Variants in CTNNA2 observed in about 807,000 individuals in gnomAD.
The protein encoded by CTNNA2 is catenin alpha-2.
In CTNNA2, 42 loss-of-function variants were observed where a neutral mutation model predicts 101.0. The ratio of observed to expected loss-of-function variants is 0.42; its 90% confidence interval spans 0.32 to 0.54. The LOEUF (loss-of-function observed/expected upper bound fraction) is 0.54, where lower values mean the gene tolerates loss of function less well. Ranked by LOEUF, CTNNA2 falls within the 20% of genes least tolerant of loss-of-function variation. CTNNA2 has a pLI of 0.14. For missense variants in CTNNA2, 871 were observed against 1,223.1 expected, an observed-to-expected ratio of 0.71 and a Z score of 4.29; for synonymous variants, 450 against 456.4, an observed-to-expected ratio of 0.99 and a Z score of 0.18.
At chr2:80,009,145 TTACCTGAG>T (rs1558724297) in intron 7 of CTNNA2, among the ~76,000 whole-genome samples, 3 of 152,312 alleles carry the variant, frequency 2.0e-5, no homozygotes, top group South Asian at 4.1e-4. Flanking sequence ...GATCCAAAGC[TTACCTGAG>T]TATATGGTAC....
At chr2:79,466,493 A>G (rs1399268583) in intron 4 of CTNNA2, among the ~76,000 whole-genome samples, 1 of 152,202 alleles carries the variant, frequency 6.6e-6, no homozygotes, top group East Asian at 1.9e-4. Context: ...ACCTCTGAAG[A>G]CTTAAATGTC....
rs1191921454 is a variant in CTNNA2 at position 80,648,515 on chromosome 2, A to G, written c.*643A>G. The G allele has an allele frequency of 6.6e-6, 1 of 152,612 alleles. No individual in the cohort carries two copies. Among genetic ancestry groups the G allele is most frequent in the Non-Finnish European group, 1.5e-5 (1 of 68,026 alleles). 9.5% of individuals were successfully genotyped at this position (152,612 alleles called of 1,614,324 possible). A position where few individuals can be genotyped will look rare whatever the true frequency, so the allele number is the denominator to read the frequency against. ...TTTTTTTCCCCCCTTTAATGAAAACAATAAACATCTATTTGAGACAATTAA... is the reference window on the plus strand; with the variant it reads ...TTTTTTTCCCCCCTTTAATGAAAACGATAAACATCTATTTGAGACAATTAA... On this transcript the variant is annotated 3_prime_UTR_variant, in exon 19 of 19. Coordinates refer to ENST00000402739, the MANE Select transcript of CTNNA2 (RefSeq NM_001282597.3).
chr2:80,106,562 C>T (rs1017144488), intron 7 of CTNNA2, among the ~76,000 whole-genome samples: 6 of 152,132 alleles, frequency 3.9e-5, no homozygotes, highest in African/African-American at 1.4e-4. Context: ...AGAACACACT[C>T]CACAAGTAGT....
chr2:80,128,833 G>A (rs1235474535), intron 7 of CTNNA2, among the ~76,000 whole-genome samples: 1 of 152,092 alleles, frequency 6.6e-6, no homozygotes, highest in Admixed American at 6.6e-5. Flanking sequence ...GTCGTCACCA[G>A]GCCATTTTCA....
chr2:80,017,513 T>G (rs913553849), intron 7 of CTNNA2, among the ~76,000 whole-genome samples: 3 of 151,936 alleles, frequency 2.0e-5, no homozygotes, highest in African/African-American at 7.3e-5. Flanking sequence ...TATATATGTA[T>G]ATATGTAAAT....
At chr2:79,759,603 C>T (rs879672757) in intron 3 of CTNNA2, among the ~76,000 whole-genome samples, 1 of 152,080 alleles carries the variant, frequency 6.6e-6, no homozygotes, top group Non-Finnish European at 1.5e-5. Flanking sequence ...GCCCTGCATC[C>T]CTGGTTCATC....
At chr2:80,433,174 CT>C in intron 9 of CTNNA2, among the ~76,000 whole-genome samples, 1 of 152,214 alleles carries the variant, frequency 6.6e-6, no homozygotes, top group South Asian at 2.1e-4. Flanking sequence ...TTACGTAGAG[CT>C]TAAAAAAACC....
rs1676173419 is a variant in CTNNA2, at chr2:80,378,361, AAT to A, written c.1057-14848_1057-14847del. Among the ~76,000 whole-genome samples the A allele has an allele frequency of 1.0e-4, 3 of 28,978 alleles. No homozygotes were observed. In the South Asian group the frequency reaches 4.9e-3, roughly 47 times the overall value. The allele number at this position is 28,978 out of a possible 152,430, so 19.0% of individuals were successfully genotyped here. A position where few individuals can be genotyped will look rare whatever the true frequency, so the allele number is the denominator to read the frequency against. ...ACAAGAGCAAAACTCTGTCTCAAAA[AAT>A]AAATAAATAAATAAATAAATAAATA... On this transcript the variant is annotated intron_variant, in intron 7 of 18. Coordinates refer to ENST00000402739, the MANE Select transcript of CTNNA2 (RefSeq NM_001282597.3).
chr2:80,638,456 G>A (rs142272561), intron 18 of CTNNA2, among the ~76,000 whole-genome samples: 2 of 152,218 alleles, frequency 1.3e-5, no homozygotes, highest in East Asian at 3.9e-4. Context: ...GATAAGCGAG[G>A]GTGCTGAAAG....
chr2:80,454,009 T>C lies in CTNNA2; in HGVS notation c.1290+34408T>C, dbSNP rs551767631. Among the ~76,000 whole-genome samples the C allele has an allele frequency of 2.0e-5, 3 of 151,474 alleles. No individual in the cohort carries two copies. In the South Asian group the frequency reaches 6.3e-4, roughly 32 times the overall value. ...GTCAAAGCTCTGGCTTATATTAACA[T>C]GATGCTTGAGAAAAAGAAAAAAAAA... On this transcript the variant is annotated intron_variant, in intron 9 of 18. Transcript: ENST00000402739.
chr2:79,434,113 G>A (rs960101367), intron 4 of CTNNA2, among the ~76,000 whole-genome samples: 4 of 151,806 alleles, frequency 2.6e-5, no homozygotes, highest in African/African-American at 9.7e-5. Context: ...GGCCAACATG[G>A]CAAAACCCAT....
intron 9 of CTNNA2, among the ~76,000 whole-genome samples, chr2:80,479,468 G>T (rs1201592025): frequency 6.6e-6 from 1 of 152,088 alleles, no homozygotes; most frequent in African/African-American, 2.4e-5. Flanking sequence ...AAACCCTATG[G>T]GGAACAGTTA....
intron 18 of CTNNA2, among the ~76,000 whole-genome samples, chr2:80,627,165 C>G (rs11126773): frequency 0.3 from 45,129 of 151,370 alleles, 7,785 homozygotes; most frequent in East Asian, 0.45. Flanking sequence ...AACAGTGCTG[C>G]AATAAACATA....
chr2:80,563,044 C>T lies in CTNNA2; in HGVS notation c.1741+7151C>T, dbSNP rs576539362. On this transcript the variant is annotated intron_variant, in intron 12 of 18. Coordinates refer to ENST00000402739, the MANE Select transcript of CTNNA2 (RefSeq NM_001282597.3). ...TCTCTAGTGCCTGTTTGTCAAAGTACAACCAAAAAAAAAAAAAAGAAAGAC... is the reference window on the plus strand; with the variant it reads ...TCTCTAGTGCCTGTTTGTCAAAGTATAACCAAAAAAAAAAAAAAGAAAGAC... Among the ~76,000 whole-genome samples, 394 of 103,768 alleles carry T rather than the reference C, an allele frequency of 3.8e-3. 4 individuals are homozygous for T. Among genetic ancestry groups the T allele is most frequent in the African/African-American group, 0.016 (344 of 21,942 alleles). The allele number at this position is 103,768 out of a possible 152,430, so 68.1% of individuals were successfully genotyped here.
At chr2:80,247,937 G>C (rs540945084) in intron 7 of CTNNA2, among the ~76,000 whole-genome samples, 29 of 151,934 alleles carry the variant, frequency 1.9e-4, no homozygotes, top group African/African-American at 6.8e-4. Context: ...TTGAAATCTA[G>C]AATTTCTTAC....
At chr2:79,415,867 A>T (rs969335328) in intron 4 of CTNNA2, among the ~76,000 whole-genome samples, 1 of 152,152 alleles carries the variant, frequency 6.6e-6, no homozygotes, top group African/African-American at 2.4e-5. Flanking sequence ...ATGAATTATC[A>T]GTCTTACAAT....
chr2:79,447,331 A>T (rs945948180), intron 4 of CTNNA2, among the ~76,000 whole-genome samples: 13 of 151,980 alleles, frequency 8.6e-5, no homozygotes, highest in African/African-American at 3.1e-4. Context: ...TGCTATAAAA[A>T]AATTTTTTTC....
intron 7 of CTNNA2, among the ~76,000 whole-genome samples, chr2:79,974,715 A>G (rs919737880): frequency 1.3e-5 from 2 of 152,174 alleles, no homozygotes; most frequent in East Asian, 1.9e-4. Context: ...CAAAATCCCC[A>G]TTATTGGGGA....
At chr2:79,207,263 G>C (rs1479210755) in intron 2 of CTNNA2, among the ~76,000 whole-genome samples, 5 of 152,148 alleles carry the variant, frequency 3.3e-5, no homozygotes, top group Non-Finnish European at 7.3e-5. Flanking sequence ...ACATTTCTTT[G>C]AGTGTGACTA....
Sources: gnomAD v4.1 joint callset for allele counts (sites outside exome capture counted in the v4.1 genomes callset) on GRCh38, gnomAD v4.1.1 for gene constraint, MANE v1.5 for transcripts, NCBI Gene and HGNC (gene_info 2026-07-23, HGNC 2026-07-21) for gene names.